Variants in ARHGAP24 observed in about 807,000 individuals in gnomAD.
ARHGAP24 encodes Rho GTPase activating protein 24, also known as rho GTPase-activating protein 24.
Under a neutral mutation model 76.4 loss-of-function variants are expected in ARHGAP24, and 50 were observed. That is an observed-to-expected ratio of 0.65 (90% CI 0.52 to 0.83). The LOEUF (loss-of-function observed/expected upper bound fraction) is 0.83, where lower values mean the gene tolerates loss of function less well. Among genes scored for constraint, ARHGAP24 ranks in the 40% least tolerant of loss-of-function variants. ARHGAP24 has a pLI of 0.00. For missense variants in ARHGAP24, 930 were observed against 914.2 expected, an observed-to-expected ratio of 1.02 and a Z score of -0.22; for synonymous variants, 345 against 323.3, an observed-to-expected ratio of 1.07 and a Z score of -0.72.
chr4:85,951,928 A>G (rs1003663749), intron 5 of ARHGAP24, among the ~76,000 whole-genome samples: 6 of 152,134 alleles, frequency 3.9e-5, no homozygotes, highest in Non-Finnish European at 1.5e-5. Context: ...GTTTAATTTG[A>G]TATCATAAAG....
At chr4:85,911,252 C>G (rs1265729821) in intron 3 of ARHGAP24, among the ~76,000 whole-genome samples, 1 of 152,188 alleles carries the variant, frequency 6.6e-6, no homozygotes, top group African/African-American at 2.4e-5. Flanking sequence ...GGGTGGGGCT[C>G]CCACTTGTAC....
chr4:85,609,148 A>G (rs1229666421), intron 2 of ARHGAP24, among the ~76,000 whole-genome samples: 1 of 152,202 alleles, frequency 6.6e-6, no homozygotes. Flanking sequence ...TTTAATAAGG[A>G]TTGAATAAAT....
intron 5 of ARHGAP24, among the ~76,000 whole-genome samples, chr4:85,948,485 A>T (rs1038897288): frequency 3.9e-5 from 6 of 152,152 alleles, no homozygotes; most frequent in African/African-American, 4.8e-5. Flanking sequence ...ATTTTTGCTA[A>T]TGTAGGGGAA....
At chr4:85,595,010 C>G (rs1719751208) in intron 2 of ARHGAP24, among the ~76,000 whole-genome samples, 1 of 151,460 alleles carries the variant, frequency 6.6e-6, no homozygotes, top group South Asian at 2.1e-4. Context: ...CAGTCTTGCT[C>G]TCTTCCCTTC....
chr4:85,506,653 G>A (rs138698407), intron 1 of ARHGAP24, among the ~76,000 whole-genome samples: 2,859 of 149,538 alleles, frequency 0.019, 93 homozygotes, highest in African/African-American at 0.069. Context: ...AATCTGTCAT[G>A]GCTTCCCTTG....
intron 1 of ARHGAP24, among the ~76,000 whole-genome samples, chr4:85,496,743 A>C (rs1723599291): frequency 6.6e-6 from 1 of 152,230 alleles, no homozygotes; most frequent in South Asian, 2.1e-4. Context: ...CCACATTTTC[A>C]CACGAGTTTT....
At chr4:85,896,869 C>T (rs1254309505) in intron 3 of ARHGAP24, among the ~76,000 whole-genome samples, 1 of 152,152 alleles carries the variant, frequency 6.6e-6, no homozygotes, top group Non-Finnish European at 1.5e-5. Flanking sequence ...CATAACCTAT[C>T]ATGCTCCCAT....
At chr4:85,770,809 C>T (rs960432180) in intron 3 of ARHGAP24, among the ~76,000 whole-genome samples, 5 of 152,214 alleles carry the variant, frequency 3.3e-5, no homozygotes, top group African/African-American at 1.2e-4. Context: ...TTGCTTTCCA[C>T]ACTGTGCCCA....
chr4:85,605,214 A>G (rs1720153535), intron 2 of ARHGAP24, among the ~76,000 whole-genome samples: 1 of 152,220 alleles, frequency 6.6e-6, no homozygotes, highest in Non-Finnish European at 1.5e-5. Flanking sequence ...ATAAAGTTAC[A>G]GAAAATGAGA....
intron 3 of ARHGAP24, among the ~76,000 whole-genome samples, chr4:85,855,337 G>A (rs2110168677): frequency 6.6e-6 from 1 of 152,258 alleles, no homozygotes; most frequent in African/African-American, 2.4e-5. Flanking sequence ...GGGGTACATA[G>A]GAAAAAGTGG....
chr4:85,883,607 G>A (rs768217975), intron 3 of ARHGAP24, among the ~76,000 whole-genome samples: 1 of 152,116 alleles, frequency 6.6e-6, no homozygotes, highest in African/African-American at 2.4e-5. Flanking sequence ...CATAAACAAA[G>A]AGGGCCAATG....
At chr4:85,743,545 G>A (rs544449296) in intron 3 of ARHGAP24, among the ~76,000 whole-genome samples, 17 of 147,166 alleles carry the variant, frequency 1.2e-4, no homozygotes, top group Non-Finnish European at 1.4e-4. Flanking sequence ...TCTAGCCTAC[G>A]TGACAGGGCG....
intron 1 of ARHGAP24, among the ~76,000 whole-genome samples, chr4:85,487,402 AT>A (rs1723120612): frequency 1.8e-5 from 2 of 112,086 alleles, no homozygotes; most frequent in South Asian, 5.0e-4. Context: ...AAACATGTAA[AT>A]ATATATTTAT....
chr4:85,701,125 A>G (rs1474958252), intron 2 of ARHGAP24, among the ~76,000 whole-genome samples: 1 of 152,202 alleles, frequency 6.6e-6, no homozygotes, highest in African/African-American at 2.4e-5. Context: ...TTTATAGGAA[A>G]GGAGATGTGA....
rs903051610 is a variant in ARHGAP24 at position 85,557,350 on chromosome 4, A to G, written c.-20-13172A>G. Among the ~76,000 whole-genome samples the G allele has an allele frequency of 7.9e-5, 12 of 152,302 alleles. 1 individual carries two copies. The South Asian group carries it at 2.5e-3, about 32-fold the overall frequency. On this transcript the variant is annotated intron_variant, in intron 1 of 9. Coordinates refer to ENST00000395184, the MANE Select transcript of ARHGAP24 (RefSeq NM_001025616.3). The stretch of plus-strand genomic sequence containing the variant: ...TGGTGCCAGGGTGCCTGAGGATCCA[A>G]GGCTCCCAGGACTCCATGTGTGCTT...
chr4:85,990,908 TA>T (rs967522359), intron 8 of ARHGAP24: 2 of 151,868 alleles, frequency 1.3e-5, no homozygotes, highest in African/African-American at 4.8e-5. Flanking sequence ...AATATTTTTT[TA>T]AAAAATTATT....
intron 4 of ARHGAP24, among the ~76,000 whole-genome samples, chr4:85,940,109 T>G (rs896803064): frequency 6.6e-6 from 1 of 152,132 alleles, no homozygotes; most frequent in Non-Finnish European, 1.5e-5. Context: ...TTTGTAAACC[T>G]TATTATTAAA....
chr4:85,615,349 C>A (rs1720510787), intron 2 of ARHGAP24, among the ~76,000 whole-genome samples: 1 of 152,090 alleles, frequency 6.6e-6, no homozygotes, highest in East Asian at 1.9e-4. Context: ...GTTTAAACCC[C>A]TCCTAAAACA....
chr4:85,768,387 T>G (rs1727006784), intron 3 of ARHGAP24, among the ~76,000 whole-genome samples: 1 of 152,108 alleles, frequency 6.6e-6, no homozygotes, highest in Admixed American at 6.5e-5. Context: ...AGAATGCTTC[T>G]GAGTTGAGCA....
Sources: allele counts gnomAD v4.1 joint callset (sites outside exome capture counted in the v4.1 genomes callset), GRCh38; gene constraint gnomAD v4.1.1; transcripts MANE v1.5; gene names NCBI Gene and HGNC (gene_info 2026-07-23, HGNC 2026-07-21).